The following ARIH1 variants were observed in gnomAD, a reference collection of about 807,000 sequenced individuals.
ARIH1 encodes the protein ariadne RBR E3 ubiquitin protein ligase 1, also known as E3 ubiquitin-protein ligase ARIH1.
In ARIH1, 8 loss-of-function variants were observed where a neutral mutation model predicts 85.0. The observed-to-expected ratio is 0.09, with a 90% CI of 0.06 to 0.17. The LOEUF (loss-of-function observed/expected upper bound fraction) is 0.17. Ranked by LOEUF, ARIH1 falls within the 10% of genes least tolerant of loss-of-function variation. ARIH1 has a pLI of 1.00. For missense variants in ARIH1, 311 were observed against 718.1 expected, an observed-to-expected ratio of 0.43 and a Z score of 6.48; for synonymous variants, 238 against 253.6, an observed-to-expected ratio of 0.94 and a Z score of 0.59.
intron 1 of ARIH1, among the ~76,000 whole-genome samples, chr15:72,510,736 C>CAAAAAAAAAAA (rs57834481): frequency 7.5e-4 from 20 of 26,724 alleles, no homozygotes; most frequent in Non-Finnish European, 9.1e-4. Context: ...GACTCTGACT[C>CAAAAAAAAAAA]AAAAAAAAAA....
intron 1 of ARIH1, among the ~76,000 whole-genome samples, chr15:72,501,385 A>G (rs2063902783): frequency 6.6e-6 from 1 of 152,232 alleles, no homozygotes; most frequent in African/African-American, 2.4e-5. Context: ...TATTTACTGT[A>G]TATACAAATA....
chr15:72,574,740 A>G (rs1022172168), intron 11 of ARIH1, among the ~76,000 whole-genome samples: 4 of 152,128 alleles, frequency 2.6e-5, no homozygotes, highest in African/African-American at 9.7e-5. Flanking sequence ...AAAAGCAGCC[A>G]TAGACTTAAA....
chr15:72,563,307 C>A (rs2064204951), intron 6 of ARIH1, 87 bp from the exon 7 acceptor site: 2 of 1,146,798 alleles, frequency 1.7e-6, no homozygotes, highest in Admixed American at 3.6e-5. Flanking sequence ...AGTCCTCCCG[C>A]CTTGGCCTCC....
chr15:72,575,405 C>T (rs2064266192), intron 11 of ARIH1, among the ~76,000 whole-genome samples: 1 of 151,542 alleles, frequency 6.6e-6, no homozygotes, highest in Non-Finnish European at 1.5e-5. Context: ...GAGACCCTGT[C>T]TCTACAAAAA....
At chr15:72,546,936 G>GA (rs1045321854) in intron 3 of ARIH1, among the ~76,000 whole-genome samples, 4 of 52,264 alleles carry the variant, frequency 7.7e-5, no homozygotes, top group African/African-American at 1.4e-4. Context: ...TTTTTTGGAG[G>GA]GGGGGGGGTG....
At position 72,587,247 on chromosome 15, in the gene ARIH1, T is replaced by C; in HGVS notation, c.*3955T>C. The stretch of plus-strand genomic sequence containing the variant: ...AACATCATGCTACCTCTTTGTATCA[T>C]ATTTTGTTATTCTGGTCACAGAATG... On this transcript the variant is annotated 3_prime_UTR_variant, in exon 14 of 14. Coordinates refer to ENST00000379887, the MANE Select transcript of ARIH1 (RefSeq NM_005744.5). The C allele has an allele frequency of 1.9e-6, 1 of 528,818 alleles. No individual in the cohort carries two copies. Among genetic ancestry groups the C allele is most frequent in the Non-Finnish European group, 3.9e-6 (1 of 257,228 alleles). The allele number at this position is 528,818 out of a possible 1,614,324, so 32.8% of individuals were successfully genotyped here.
intron 2 of ARIH1, among the ~76,000 whole-genome samples, chr15:72,527,869 ACTTTT>A (rs1329615935): frequency 6.6e-6 from 1 of 152,066 alleles, no homozygotes; most frequent in African/African-American, 2.4e-5. Context: ...AAACTATCCT[ACTTTT>A]CTTGTATTCC....
Position 72,582,292 on chromosome 15 carries a change from C to CTT in ARIH1, c.1589+108_1589+109dup. ...GGGTTTAGCATATCCAGCAACTGAG[C>CTT]TTTTGCCATGTTTCTCACAGATTGC... On this transcript the variant is annotated intron_variant, in intron 13 of 13. Coordinates refer to ENST00000379887, the MANE Select transcript of ARIH1 (RefSeq NM_005744.5). The surrounding 1 kb of genome is among the most constrained non-coding windows in gnomAD (Gnocchi z 4.6). The CTT allele has an allele frequency of 1.4e-6, 1 of 722,866 alleles. No individual in the cohort carries two copies. Among genetic ancestry groups the CTT allele is most frequent in the East Asian group, 2.7e-5 (1 of 36,672 alleles). The allele number at this position is 722,866 out of a possible 1,614,324, so 44.8% of individuals were successfully genotyped here. A position where few individuals can be genotyped will look rare whatever the true frequency, so the allele number is the denominator to read the frequency against.
intron 1 of ARIH1, among the ~76,000 whole-genome samples, chr15:72,506,366 G>GAAA (rs1227942202): frequency 1.8e-5 from 1 of 54,496 alleles, no homozygotes; most frequent in East Asian, 7.2e-4. Context: ...AAAAAAAAAA[G>GAAA]AAAAAAAAAA....
chr15:72,528,920 G>A (rs73444761), intron 2 of ARIH1, among the ~76,000 whole-genome samples: 5,854 of 152,280 alleles, frequency 0.038, 338 homozygotes, highest in African/African-American at 0.13. Context: ...CAAATGTACG[G>A]CTGGGTGTGG....
At chr15:72,559,049 T>G (rs1427491834) in intron 5 of ARIH1, among the ~76,000 whole-genome samples, 1 of 152,168 alleles carries the variant, frequency 6.6e-6, no homozygotes, top group East Asian at 1.9e-4. Flanking sequence ...TGGGGATTGG[T>G]TCTAGGACCC....
chr15:72,491,521 A>T lies in ARIH1; in HGVS notation c.375+16507A>T, dbSNP rs190551978. Among the ~76,000 whole-genome samples the T allele has an allele frequency of 4.5e-3, 688 of 152,354 alleles. 3 individuals are homozygous for T. Among genetic ancestry groups the T allele is most frequent in the Non-Finnish European group, 7.1e-3 (485 of 68,038 alleles). Reference sequence around the variant, plus strand: ...GTTGTACCCACAAAGTTCCTGGAACATAGCTGTTAGACATTGAGTGAAAAG... The same window carrying T: ...GTTGTACCCACAAAGTTCCTGGAACTTAGCTGTTAGACATTGAGTGAAAAG... On this transcript the variant is annotated intron_variant, in intron 1 of 13. Coordinates refer to ENST00000379887, the MANE Select transcript of ARIH1 (RefSeq NM_005744.5).
At chr15:72,506,239 ACTCAGGAGG>A (rs2063924227) in intron 1 of ARIH1, among the ~76,000 whole-genome samples, 1 of 150,900 alleles carries the variant, frequency 6.6e-6, no homozygotes, top group African/African-American at 2.4e-5. Flanking sequence ...AATCCCAGCT[ACTCAGGAGG>A]CTGAGGCAGG....
Position 72,592,290 on chromosome 15 carries a change from C to A in ARIH1, c.*8998C>A, listed in dbSNP as rs1276678643. On this transcript the variant is annotated 3_prime_UTR_variant, in exon 14 of 14. Transcript: ENST00000379887. ...ATTGTGTGCTCTTTAAGATAAATTC[C>A]ATAATCAAGGGCCTGGCCCTGAATA... The A allele has an allele frequency of 6.6e-6, 1 of 152,158 alleles. No homozygotes were observed. The highest frequency in any genetic ancestry group is 1.5e-5 in the Non-Finnish European group (1 of 68,038). 9.4% of individuals were successfully genotyped at this position (152,158 alleles called of 1,614,324 possible).
chr15:72,498,236 C>T (rs1381738382), intron 1 of ARIH1, among the ~76,000 whole-genome samples: 2 of 71,530 alleles, frequency 2.8e-5, no homozygotes, highest in Non-Finnish European at 9.0e-5. Context: ...TAATCTGCAA[C>T]CAAAATGTTT....
In ARIH1 at chr15:72,595,485, T is replaced by C. The variant is rs187233295; in HGVS notation, c.*12193T>C. Reference sequence around the variant, plus strand: ...CACCACACTTGGCTCTCATGGACTGTTTTTGTTTTTGTTTTGAGACAGGGT... The same window carrying C: ...CACCACACTTGGCTCTCATGGACTGCTTTTGTTTTTGTTTTGAGACAGGGT... On this transcript the variant is annotated 3_prime_UTR_variant, in exon 14 of 14. Transcript: ENST00000379887. The C allele has an allele frequency of 5.9e-5, 9 of 151,816 alleles. No individual in the cohort carries two copies. Among genetic ancestry groups the C allele is most frequent in the African/African-American group, 2.2e-4 (9 of 41,384 alleles). 9.4% of individuals were successfully genotyped at this position (151,816 alleles called of 1,614,324 possible).
Position 72,592,717 on chromosome 15 carries a change from GAC to G in ARIH1, c.*9428_*9429del, listed in dbSNP as rs1287022344. ...CTTCTTTCACTGATAATGCTTTAAA[GAC>G]ACGCATACTGTATGTATTAGGACAT... On this transcript the variant is annotated 3_prime_UTR_variant, in exon 14 of 14. Coordinates refer to ENST00000379887, the MANE Select transcript of ARIH1 (RefSeq NM_005744.5). 1.3e-5 allele frequency: 2 copies of G among 152,146 alleles called. No individual in the cohort carries two copies. Among genetic ancestry groups the G allele is most frequent in the Non-Finnish European group, 2.9e-5 (2 of 68,008 alleles). The allele number at this position is 152,146 out of a possible 1,614,324, so 9.4% of individuals were successfully genotyped here. A position where few individuals can be genotyped will look rare whatever the true frequency, so the allele number is the denominator to read the frequency against.
intron 2 of ARIH1, among the ~76,000 whole-genome samples, chr15:72,534,956 A>ATTTTTTTTTTTTTTTTT (rs1179478559): frequency 8.9e-5 from 4 of 45,112 alleles, no homozygotes; most frequent in Non-Finnish European, 5.6e-4. Flanking sequence ...TATTGTCTGT[A>ATTTTTTTTTTTTTTTTT]TTCTTTTTTT....
At chr15:72,535,153 G>A (rs1034809367) in intron 2 of ARIH1, among the ~76,000 whole-genome samples, 48 of 150,596 alleles carry the variant, frequency 3.2e-4, no homozygotes, top group Middle Eastern at 3.4e-3. Flanking sequence ...GGGTTTCACC[G>A]TGTTAGCCAG....
Sources: allele counts gnomAD v4.1 joint callset (sites outside exome capture counted in the v4.1 genomes callset), GRCh38; gene constraint gnomAD v4.1.1; non-coding constraint Gnocchi (gnomAD v3.1); transcripts MANE v1.5; gene names NCBI Gene and HGNC (gene_info 2026-07-23, HGNC 2026-07-21).